DPP10: variants seen among roughly 807,000 people sequenced by gnomAD.
The protein encoded by DPP10 is inactive dipeptidyl peptidase 10.
In DPP10, 33 loss-of-function variants were observed where a neutral mutation model predicts 120.9. That is an observed-to-expected ratio of 0.27 (90% CI 0.21 to 0.37). The LOEUF is 0.37. DPP10 is among the 10% of genes least tolerant of loss of function. DPP10 has a pLI of 1.00. For synonymous variants in DPP10, 337 were observed against 326.1 expected, an observed-to-expected ratio of 1.03 and a Z score of -0.36; for missense variants, 816 against 942.8, an observed-to-expected ratio of 0.87 and a Z score of 1.76.
At chr2:115,300,972 G>A (rs1432037526) in intron 1 of DPP10, among the ~76,000 whole-genome samples, 1 of 152,000 alleles carries the variant, frequency 6.6e-6, no homozygotes, top group African/African-American at 2.4e-5. Flanking sequence ...TAGACTGTGT[G>A]GAGGAAGATG....
intron 1 of DPP10, among the ~76,000 whole-genome samples, chr2:115,296,354 C>T (rs2060884028): frequency 6.6e-6 from 1 of 152,098 alleles, no homozygotes; most frequent in Non-Finnish European, 1.5e-5. Context: ...TTGTTCTTTT[C>T]ATGCAGTCGT....
intron 5 of DPP10, among the ~76,000 whole-genome samples, chr2:115,632,680 A>C (rs989989656): frequency 1.6e-4 from 24 of 152,198 alleles, no homozygotes; most frequent in Non-Finnish European, 7.3e-5. Context: ...CAATCTACCC[A>C]TCTGACAAAG....
intron 1 of DPP10, among the ~76,000 whole-genome samples, chr2:115,289,955 A>G (rs918183068): frequency 2.6e-5 from 4 of 152,180 alleles, no homozygotes; most frequent in African/African-American, 9.6e-5. Context: ...TTTATGCCTG[A>G]GACCCCAAAA....
chr2:114,813,020 G>A (rs1406629604), intron 1 of DPP10, among the ~76,000 whole-genome samples: 2 of 152,190 alleles, frequency 1.3e-5, no homozygotes, highest in Non-Finnish European at 2.9e-5. Context: ...TATACAGCGT[G>A]TGGTCCATAT....
At chr2:114,702,389 C>A (rs553744890) in intron 1 of DPP10, among the ~76,000 whole-genome samples, 3 of 151,806 alleles carry the variant, frequency 2.0e-5, no homozygotes, top group Non-Finnish European at 4.4e-5. Flanking sequence ...GTTGGGAGAG[C>A]ATCACAGTGG....
chr2:115,004,657 C>T (rs530441285), intron 1 of DPP10, among the ~76,000 whole-genome samples: 10 of 152,292 alleles, frequency 6.6e-5, no homozygotes, highest in African/African-American at 1.7e-4. Context: ...TGCACTTTTC[C>T]GTTGGGCTTA....
chr2:115,195,887 A>G (rs1426514664), intron 1 of DPP10, among the ~76,000 whole-genome samples: 1 of 152,180 alleles, frequency 6.6e-6, no homozygotes, highest in Non-Finnish European at 1.5e-5. Flanking sequence ...ATGCACCCAT[A>G]CACAGCATAT....
At chr2:114,668,381 CT>C (rs1296902764) in intron 1 of DPP10, among the ~76,000 whole-genome samples, 1 of 152,164 alleles carries the variant, frequency 6.6e-6, no homozygotes, top group Non-Finnish European at 1.5e-5. Context: ...CTTCCTCCAC[CT>C]TTTTATTCTC....
chr2:115,506,361 C>T (rs529741467), intron 4 of DPP10, among the ~76,000 whole-genome samples: 1 of 152,046 alleles, frequency 6.6e-6, no homozygotes, highest in Non-Finnish European at 1.5e-5. Context: ...AAAGCATTTT[C>T]CCTGTCTCCT....
rs577744737 is a variant in DPP10, at chr2:114,961,470, T to TGC, written c.61-347762_61-347761dup. Reference sequence around the variant, plus strand: ...ATGCGTGTGTGTGTGTGTGTGTGTGTGCGCGCGCACATTTCAGAGAAACCT... The same window carrying TGC: ...ATGCGTGTGTGTGTGTGTGTGTGTGTGCGCGCGCGCACATTTCAGAGAAACCT... On this transcript the variant is annotated intron_variant, in intron 1 of 25. Transcript: ENST00000410059. Among the ~76,000 whole-genome samples, 485 of 142,502 alleles carry TGC rather than the reference T, an allele frequency of 3.4e-3. 2 individuals are homozygous for TGC. The highest frequency in any genetic ancestry group is 8.2e-3 in the Admixed American group (116 of 14,220). The allele number at this position is 142,502 out of a possible 152,430, so 93.5% of individuals were successfully genotyped here. A position where few individuals can be genotyped will look rare whatever the true frequency, so the allele number is the denominator to read the frequency against.
chr2:115,630,633 CA>C lies in DPP10; in HGVS notation c.442-59051del, dbSNP rs539992933. Among the ~76,000 whole-genome samples, 715 of 152,210 alleles carry C rather than the reference CA, an allele frequency of 4.7e-3. 6 individuals are homozygous for C. The highest frequency in any genetic ancestry group is 0.017 in the African/African-American group (688 of 41,526). On this transcript the variant is annotated intron_variant, in intron 5 of 25. Coordinates refer to ENST00000410059, the MANE Select transcript of DPP10 (RefSeq NM_020868.6). ...AACATGAAGCGATGTTGAATTTTAT[CA>C]AAGGCCTTTTCTGCATCTATTGAGA...
At chr2:115,487,028 T>A (rs1229463635) in intron 3 of DPP10, among the ~76,000 whole-genome samples, 1 of 152,202 alleles carries the variant, frequency 6.6e-6, no homozygotes, top group Admixed American at 6.5e-5. Context: ...AATGCTTTTA[T>A]TTTGGATATC....
At chr2:115,079,586 A>T (rs1335408613) in intron 1 of DPP10, among the ~76,000 whole-genome samples, 10 of 152,036 alleles carry the variant, frequency 6.6e-5, no homozygotes, top group Admixed American at 6.6e-4. Context: ...CTTGCCAGCT[A>T]GACAAATTGG....
At chr2:114,480,936 A>G (rs929253340) in intron 1 of DPP10, among the ~76,000 whole-genome samples, 1 of 152,008 alleles carries the variant, frequency 6.6e-6, no homozygotes, top group Non-Finnish European at 1.5e-5. Flanking sequence ...ATAGACAAAA[A>G]AGGAGCCTCT....
At chr2:115,162,868 G>T (rs890575888) in intron 1 of DPP10, among the ~76,000 whole-genome samples, 2 of 152,000 alleles carry the variant, frequency 1.3e-5, no homozygotes, top group Non-Finnish European at 2.9e-5. Flanking sequence ...CTTCGGTGTC[G>T]CTCTTTTTCC....
In DPP10 at chr2:114,526,824, G is replaced by A. The variant is rs145745561; in HGVS notation, c.60+83986G>A. On this transcript the variant is annotated intron_variant, in intron 1 of 25. Coordinates refer to ENST00000410059, the MANE Select transcript of DPP10 (RefSeq NM_020868.6). ...CCCCATCTCCTGGTACCATCACTTT[G>A]GTAAGGGTTTCAACATATAAATTAG... Among the ~76,000 whole-genome samples, 358 of 152,200 alleles carry A rather than the reference G, an allele frequency of 2.4e-3. 3 individuals are homozygous for A. Among genetic ancestry groups the A allele is most frequent in the African/African-American group, 8.2e-3 (339 of 41,540 alleles).
chr2:115,248,565 G>A (rs990712347), intron 1 of DPP10, among the ~76,000 whole-genome samples: 20 of 152,060 alleles, frequency 1.3e-4, no homozygotes, highest in African/African-American at 1.9e-4. Flanking sequence ...TTATACAGAG[G>A]GAATAAGTTA....
intron 1 of DPP10, among the ~76,000 whole-genome samples, chr2:114,963,522 T>C (rs2104735016): frequency 6.6e-6 from 1 of 152,200 alleles, no homozygotes; most frequent in East Asian, 1.9e-4. Context: ...GTAAAATTTA[T>C]ATGAGGTACC....
intron 1 of DPP10, among the ~76,000 whole-genome samples, chr2:115,240,425 C>T (rs1272558761): frequency 6.6e-6 from 1 of 152,012 alleles, no homozygotes; most frequent in Non-Finnish European, 1.5e-5. Context: ...CTGTTCATAT[C>T]CTTTGACCAC....
Sources: gnomAD v4.1 joint callset for allele counts (sites outside exome capture counted in the v4.1 genomes callset) on GRCh38, gnomAD v4.1.1 for gene constraint, MANE v1.5 for transcripts, NCBI Gene and HGNC (gene_info 2026-07-23, HGNC 2026-07-21) for gene names.